Variants in CBLN2 observed in about 807,000 individuals in gnomAD.
The protein encoded by CBLN2 is cerebellin-2.
CBLN2 carries 7 observed loss-of-function variants against 15.0 expected under a neutral mutation model. The ratio of observed to expected loss-of-function variants is 0.47; its 90% confidence interval spans 0.27 to 0.88. The LOEUF is 0.88. Among genes scored for constraint, CBLN2 ranks in the 40% least tolerant of loss-of-function variants. The pLI is 0.14. For missense variants in CBLN2, 242 were observed against 304.5 expected (o/e 0.79, Z 1.53); for synonymous variants, 149 against 135.2 (o/e 1.10, Z -0.71).
intron 1 of CBLN2, among the ~76,000 whole-genome samples, chr18:72,628,448 C>T (rs1196818286): frequency 6.6e-6 from 1 of 152,130 alleles, no homozygotes; most frequent in African/African-American, 2.4e-5. Flanking sequence ...CAATCACAGC[C>T]CCAGCTGACC....
At chr18:72,589,579 G>A (rs2069465901) in intron 1 of CBLN2, among the ~76,000 whole-genome samples, 1 of 152,140 alleles carries the variant, frequency 6.6e-6, no homozygotes, top group Non-Finnish European at 1.5e-5. Flanking sequence ...TCACAGCCTA[G>A]GGATATTAAA....
chr18:72,635,732 A>G (rs1294652683), intron 1 of CBLN2, among the ~76,000 whole-genome samples: 1 of 152,170 alleles, frequency 6.6e-6, no homozygotes, highest in Non-Finnish European at 1.5e-5. Flanking sequence ...AAGTCCAACT[A>G]GGTTTGATGG....
chr18:72,567,707 C>T (rs762564256), intron 1 of CBLN2, among the ~76,000 whole-genome samples: 9 of 152,110 alleles, frequency 5.9e-5, no homozygotes, highest in Non-Finnish European at 1.2e-4. Flanking sequence ...CTTCTTCTTT[C>T]TCCTGGATTA....
chr18:72,587,160 T>TAG (rs2069449297), intron 1 of CBLN2, among the ~76,000 whole-genome samples: 1 of 152,072 alleles, frequency 6.6e-6, no homozygotes, highest in Admixed American at 6.6e-5. Flanking sequence ...TTAAGGGTTA[T>TAG]AGAGGAGTTT....
At chr18:72,548,967 T>C (rs2069175446), upstream of CBLN2, among the ~76,000 whole-genome samples, 1 of 152,172 alleles carries the variant, frequency 6.6e-6, no homozygotes. Context: ...AAATTTTACA[T>C]GTCTGCATTT....
At chr18:72,579,403 A>G (rs991844555) in intron 1 of CBLN2, among the ~76,000 whole-genome samples, 3 of 152,160 alleles carry the variant, frequency 2.0e-5, no homozygotes, top group East Asian at 1.9e-4. Flanking sequence ...GCAATTTCCA[A>G]TTTCAAAAAC....
intron 1 of CBLN2, among the ~76,000 whole-genome samples, chr18:72,555,930 G>A (rs1172069200): frequency 6.6e-6 from 1 of 152,110 alleles, no homozygotes; most frequent in East Asian, 1.9e-4. Context: ...GGTGAGGCTT[G>A]AGGGAAGTGC....
At chr18:72,571,717 C>A (rs1207109751) in intron 1 of CBLN2, among the ~76,000 whole-genome samples, 1 of 152,204 alleles carries the variant, frequency 6.6e-6, no homozygotes. Flanking sequence ...AATGTTAGGA[C>A]AGATCAAAGT....
intron 1 of CBLN2, among the ~76,000 whole-genome samples, chr18:72,636,471 G>A (rs1461377013): frequency 2.6e-5 from 4 of 152,150 alleles, no homozygotes; most frequent in Non-Finnish European, 4.4e-5. Flanking sequence ...AGCATCCAGG[G>A]TGAGGGATGG....
At chr18:72,538,892 G>T in intron 3 of CBLN2, 120 bp from the exon 4 acceptor site, 1 of 1,294,178 alleles carries the variant, frequency 7.7e-7, no homozygotes, top group Non-Finnish European at 1.1e-6. Flanking sequence ...CACAAATTCA[G>T]CATCCTCAGC....
intron 1 of CBLN2, among the ~76,000 whole-genome samples, chr18:72,602,162 G>A (rs1296068341): frequency 1.3e-5 from 2 of 152,184 alleles, no homozygotes; most frequent in Admixed American, 1.3e-4. Flanking sequence ...TGGTGCTAGT[G>A]GGACTTTTAG....
intron 1 of CBLN2, among the ~76,000 whole-genome samples, chr18:72,623,226 G>A (rs1423363177): frequency 6.6e-6 from 1 of 152,068 alleles, no homozygotes; most frequent in South Asian, 2.1e-4. Flanking sequence ...CTTCAACACT[G>A]GAGATTACAA....
At chr18:72,628,094 T>A (rs951077144) in intron 1 of CBLN2, among the ~76,000 whole-genome samples, 2 of 152,240 alleles carry the variant, frequency 1.3e-5, no homozygotes, top group Non-Finnish European at 2.9e-5. Context: ...TCAACAGGGC[T>A]GCCTTGGTGG....
Position 72,638,294 on chromosome 18 carries a change from G to A in CBLN2, c.15+31C>T, listed in dbSNP as rs540647648. 1.5e-4 allele frequency: 58 copies of A among 398,486 alleles called. 1 individual carries two copies. In the Middle Eastern group the frequency reaches 2.5e-3, roughly 17 times the overall value. The allele number at this position is 398,486 out of a possible 1,614,324, so 24.7% of individuals were successfully genotyped here. On this transcript the variant is annotated intron_variant, in intron 1 of 2. Coordinates refer to the CBLN2 transcript ENST00000581073. The stretch of plus-strand genomic sequence containing the variant: ...ACCTTTGCTAGGATAAAATACTCAC[G>A]TTCTGTCTAGCCTAAAGTTTTAACA...
intron 1 of CBLN2, among the ~76,000 whole-genome samples, chr18:72,615,155 G>T (rs1458965803): frequency 2.8e-4 from 34 of 120,828 alleles, no homozygotes; most frequent in African/African-American, 1.0e-3. Context: ...TATAAATATA[G>T]AAAATATATA....
intron 2 of CBLN2, among the ~76,000 whole-genome samples, chr18:72,542,541 C>T (rs1051283812): frequency 2.0e-5 from 3 of 152,074 alleles, no homozygotes; most frequent in Non-Finnish European, 4.4e-5. Context: ...CCGAGCAGCG[C>T]GCGGGGCTGC....
chr18:72,595,626 T>A lies in CBLN2; in HGVS notation c.15+42699A>T, dbSNP rs117470010. On this transcript the variant is annotated intron_variant, in intron 1 of 2. Transcript: ENST00000581073. ...CAATGCTGAAAGTGGAATGTTGGCA[T>A]CTAGGGCTGTTGTCGTACTGGGGTT... is the stretch of plus-strand genomic sequence containing the variant. Among the ~76,000 whole-genome samples the A allele has an allele frequency of 4.1e-3, 627 of 152,268 alleles. 3 individuals carry two copies. Among genetic ancestry groups the A allele is most frequent in the Non-Finnish European group, 6.2e-3 (419 of 67,990 alleles).
At chr18:72,628,038 T>C (rs8082795) in intron 1 of CBLN2, among the ~76,000 whole-genome samples, 31,037 of 152,128 alleles carry the variant, frequency 0.2, 4,814 homozygotes, top group African/African-American at 0.44. Context: ...ATCAGAAATA[T>C]GATTATGTAG....
intron 1 of CBLN2, among the ~76,000 whole-genome samples, chr18:72,569,761 G>A (rs777948723): frequency 1.3e-5 from 2 of 152,128 alleles, no homozygotes; most frequent in Non-Finnish European, 2.9e-5. Flanking sequence ...TCATCACCAA[G>A]GGGAAGGCAA....
Sources: gnomAD v4.1 joint callset for allele counts (sites outside exome capture counted in the v4.1 genomes callset) on GRCh38, gnomAD v4.1.1 for gene constraint, MANE v1.5 for transcripts, NCBI Gene and HGNC (gene_info 2026-07-23, HGNC 2026-07-21) for gene names.